Variants in SLC12A9 observed in about 807,000 individuals in gnomAD.
SLC12A9 encodes the protein solute carrier family 12 member 9, also known as CCC-interacting protein 1.
A neutral mutation model predicts 66.0 loss-of-function variants in SLC12A9; 55 were observed. That is an observed-to-expected ratio of 0.83 (90% CI 0.67 to 1.04). The LOEUF is 1.04. SLC12A9 is among the 50% of genes least tolerant of loss of function. The pLI is 0.00. For synonymous variants in SLC12A9, 577 were observed against 569.0 expected (o/e 1.01, Z -0.20); for missense variants, 1,061 against 1,241.9 (o/e 0.85, Z 2.19).
At position 100,866,002 on chromosome 7, in the gene SLC12A9, G is replaced by T. The variant is rs1191872419; in HGVS notation, c.2142G>T (p.Gly714=). ...GALPPERLSR[G]SGGTSQLHHV... ...TGCCCCCTGAGCGGCTGAGCCGGGG[G>T]TCTGGGGGCACCTCTCAGCTGCACC... Residue 714 remains glycine, a synonymous_variant, in exon 14 of 14, where the codon GGG becomes GGT. Coordinates refer to ENST00000354161, the MANE Select transcript of SLC12A9 (RefSeq NM_020246.4). The surrounding 1 kb of genome is among the most constrained non-coding windows in gnomAD (Gnocchi z 7.3). 20 of 1,612,670 alleles carry T rather than the reference G, an allele frequency of 1.2e-5. No homozygotes were observed. The highest frequency in any genetic ancestry group is 1.6e-5 in the Non-Finnish European group (19 of 1,179,740).
At chr7:100,841,367 T>C (rs1325325654) in intron 1 of SLC12A9, among the ~76,000 whole-genome samples, 2 of 151,882 alleles carry the variant, frequency 1.3e-5, no homozygotes, top group African/African-American at 2.4e-5. Context: ...AAGTAAAATA[T>C]ACCTTTGGTA....
At chr7:100,859,316 C>A in intron 7 of SLC12A9, 155 bp downstream of exon 7, 1 of 689,878 alleles carries the variant, frequency 1.4e-6, no homozygotes, top group Non-Finnish European at 2.5e-6. Context: ...CAGCAGCTGC[C>A]ATGGACCCAG....
intron 1 of SLC12A9, chr7:100,853,259 AACTT>A (rs1010330378): frequency 1.3e-5 from 2 of 152,044 alleles, no homozygotes; most frequent in Non-Finnish European, 2.9e-5. Flanking sequence ...TCCTGCCCGT[AACTT>A]ACTTCCCTTT....
intron 1 of SLC12A9, chr7:100,827,119 A>C: frequency 7.1e-7 from 1 of 1,415,554 alleles, no homozygotes; most frequent in Admixed American, 2.3e-5. Context: ...GTGGACGCCG[A>C]TACTCCGCGC....
At position 100,862,576 on chromosome 7, in the gene SLC12A9, C is replaced by G; in HGVS notation, c.1712-105C>G. The G allele has an allele frequency of 3.6e-6, 5 of 1,372,428 alleles. No homozygotes were observed. The Admixed American group carries it at 7.5e-5, about 20-fold the overall frequency. The allele number at this position is 1,372,428 out of a possible 1,614,324, so 85.0% of individuals were successfully genotyped here. A position where few individuals can be genotyped will look rare whatever the true frequency, so the allele number is the denominator to read the frequency against. ...CCCCTTTTATCCTTTCCCATGACCCCTCCAAGTAGCCATAGCCCTGCCCAG... is the reference window on the plus strand; with the variant it reads ...CCCCTTTTATCCTTTCCCATGACCCGTCCAAGTAGCCATAGCCCTGCCCAG... On this transcript the variant is annotated intron_variant, in intron 12 of 13. Transcript: ENST00000354161.
intron 7 of SLC12A9, chr7:100,859,657 G>C: frequency 1.8e-6 from 1 of 546,590 alleles, no homozygotes; most frequent in Non-Finnish European, 3.2e-6. Flanking sequence ...GCTGCAGTGA[G>C]CTATGATTAC....
At chr7:100,838,113 A>G (rs314325) in intron 1 of SLC12A9, among the ~76,000 whole-genome samples, 148,066 of 151,720 alleles carry the variant, frequency 0.98, 72,362 homozygotes, top group East Asian at 1. Context: ...TGCCCGCCTC[A>G]GCCTCCCAAA....
chr7:100,843,935 T>G (rs553511901), intron 1 of SLC12A9, among the ~76,000 whole-genome samples: 1 of 152,192 alleles, frequency 6.6e-6, no homozygotes, highest in East Asian at 1.9e-4. Context: ...TAAACATCAG[T>G]AGACTGTGAG....
chr7:100,855,549 A>T, intron 3 of SLC12A9, 157 bp from the exon 4 acceptor site: 1 of 873,112 alleles, frequency 1.1e-6, no homozygotes, highest in Non-Finnish European at 1.8e-6. Context: ...ATTGTTTTAC[A>T]GATGCAGAAA....
chr7:100,831,375 G>A (rs1020905807), intron 1 of SLC12A9, among the ~76,000 whole-genome samples: 64 of 152,076 alleles, frequency 4.2e-4, no homozygotes, highest in African/African-American at 6.3e-4. Context: ...TAGTAGACGC[G>A]GGGTTTCTCC....
intron 1 of SLC12A9, among the ~76,000 whole-genome samples, chr7:100,846,078 T>G (rs753857792): frequency 3.3e-5 from 5 of 152,180 alleles, no homozygotes; most frequent in Non-Finnish European, 5.9e-5. Flanking sequence ...GGCAAGTAGT[T>G]GAAGACATAG....
In SLC12A9 at chr7:100,866,448, G is replaced by T. The variant is rs761790723; in HGVS notation, c.2588G>T (p.Gly863Val). 6.5e-7 allele frequency: 1 copy of T among 1,549,912 alleles called. No individual in the cohort carries two copies. Among genetic ancestry groups the T allele is most frequent in the Admixed American group, 2.0e-5 (1 of 50,956 alleles). ...PGGPEGGDAE[G>V]PITALTFLYL... ...GGGCCGGAGGGTGGGGATGCTGAGGGCCCCATCACAGCCCTCACCTTCCTG... is the reference window on the plus strand; with the variant it reads ...GGGCCGGAGGGTGGGGATGCTGAGGTCCCCATCACAGCCCTCACCTTCCTG... The change falls in exon 14 of 14, where the codon GGC becomes GTC. Residue 863 changes from glycine (G) to valine (V), a missense_variant. Coordinates refer to ENST00000354161, the MANE Select transcript of SLC12A9 (RefSeq NM_020246.4). The surrounding 1 kb of genome is among the most constrained non-coding windows in gnomAD (Gnocchi z 7.3).
At position 100,831,589 on chromosome 7, in the gene SLC12A9, C is replaced by T. The variant is rs2060443; in HGVS notation, n.228+4542C>T. Among the ~76,000 whole-genome samples the T allele has an allele frequency of 3.6e-3, 545 of 152,300 alleles. 4 individuals carry two copies. The highest frequency in any genetic ancestry group is 0.013 in the African/African-American group (520 of 41,546). ...ACCTCCTGGGCTCGAGCAATCTTTC[C>T]TCAGCCTCCTGAGGAGCTGGGACCC... is the stretch of plus-strand genomic sequence containing the variant. On this transcript the variant is annotated intron_variant and non_coding_transcript_variant, in intron 1 of 1. Transcript: ENST00000461016.
In SLC12A9 at chr7:100,865,654, G is replaced by T; in HGVS notation, c.1859-65G>T. ...CACCTTGCTGTCAGTGTGTGGGAGCGTGGTGTAAACTTAGCCTGTGAGCCT... is the reference window on the plus strand; with the variant it reads ...CACCTTGCTGTCAGTGTGTGGGAGCTTGGTGTAAACTTAGCCTGTGAGCCT... On this transcript the variant is annotated intron_variant, in intron 13 of 13. Transcript: ENST00000354161. 3 of 1,560,378 alleles carry T rather than the reference G, an allele frequency of 1.9e-6. No homozygotes were observed. The South Asian group carries it at 3.7e-5, about 19-fold the overall frequency.
intron 1 of SLC12A9, chr7:100,827,107 G>T (rs1274309633): frequency 9.4e-6 from 14 of 1,486,560 alleles, no homozygotes; most frequent in Non-Finnish European, 1.3e-5. Context: ...CTCCCTGGGC[G>T]GGTGGACGCC....
upstream of SLC12A9, among the ~76,000 whole-genome samples, chr7:100,848,702 C>A (rs187266091): frequency 1.3e-5 from 2 of 151,692 alleles, no homozygotes; most frequent in African/African-American, 4.8e-5. Context: ...CTGGCTAACA[C>A]GGTGAAACCC....
At chr7:100,856,290 CT>C (rs1814381049) in intron 4 of SLC12A9, 1 of 161,206 alleles carries the variant, frequency 6.2e-6, no homozygotes, top group East Asian at 1.9e-4. Flanking sequence ...TCACTGCAAC[CT>C]TTGCCTCCCG....
At chr7:100,847,601 T>C (rs1327074440) in intron 1 of SLC12A9, among the ~76,000 whole-genome samples, 3 of 152,094 alleles carry the variant, frequency 2.0e-5, no homozygotes, top group South Asian at 2.1e-4. Context: ...TAAAATGTGG[T>C]TGCAGACTGG....
upstream of SLC12A9, among the ~76,000 whole-genome samples, chr7:100,849,993 C>G (rs1814023274): frequency 6.6e-6 from 1 of 152,046 alleles, no homozygotes; most frequent in Non-Finnish European, 1.5e-5. Context: ...CCACGTCAGC[C>G]TCCCGAGTGG....
Sources: gnomAD v4.1 joint callset for allele counts (sites outside exome capture counted in the v4.1 genomes callset) on GRCh38, gnomAD v4.1.1 for gene constraint, Gnocchi (gnomAD v3.1) non-coding constraint, MANE v1.5 for transcripts, NCBI Gene and HGNC (gene_info 2026-07-23, HGNC 2026-07-21) for gene names.